ESR2: variants seen among roughly 807,000 people sequenced by gnomAD.
ESR2 encodes the protein estrogen receptor beta.
In ESR2, 36 loss-of-function variants were observed where a neutral mutation model predicts 49.6. That is an observed-to-expected ratio of 0.73 (90% CI 0.56 to 0.96). The LOEUF (loss-of-function observed/expected upper bound fraction) is 0.96, where lower values mean the gene tolerates loss of function less well. Among genes scored for constraint, ESR2 ranks in the 40% least tolerant of loss-of-function variants. The probability of loss-of-function intolerance (pLI) is 0.00; values close to 1 mark genes in which losing one functional copy is unlikely to be tolerated. For missense variants in ESR2, 714 were observed against 693.0 expected (o/e 1.03, Z -0.34); for synonymous variants, 320 against 266.1 (o/e 1.20, Z -1.97).
chr14:64,252,392 T>TA (rs2140689065), intron 6 of ESR2, among the ~76,000 whole-genome samples: 1 of 152,168 alleles, frequency 6.6e-6, no homozygotes, highest in South Asian at 2.1e-4. Context: ...CAAACTGACC[T>TA]ACTCAGGAAA....
In ESR2 at chr14:64,260,594, C is replaced by G. The variant is rs762636828; in HGVS notation, c.807G>C (p.Val269=). 6.2e-7 allele frequency: 1 copy of G among 1,610,498 alleles called. No individual in the cohort carries two copies. Among genetic ancestry groups the G allele is most frequent in the Non-Finnish European group, 8.5e-7 (1 of 1,178,060 alleles). Residue 269 remains valine (V), a synonymous_variant, in exon 5 of 9, where the codon GTG becomes GTC. Transcript: ENST00000341099. The part of the protein sequence containing the change: ...LLDALSPEQL[V]LTLLEAEPPH... ...GCGGCTCAGCCTCCAGGAGGGTGAG[C>G]ACTAGCTGCTCGGGGCTCAGGGCGT...
At chr14:64,272,780 A>G (rs1567765315) in intron 3 of ESR2, among the ~76,000 whole-genome samples, 1 of 152,128 alleles carries the variant, frequency 6.6e-6, no homozygotes, top group Non-Finnish European at 1.5e-5. Context: ...TCTATGGTAT[A>G]ATTTATAGTC....
At chr14:64,301,952 G>A (rs2077025672) in intron 1 of ESR2, among the ~76,000 whole-genome samples, 2 of 152,078 alleles carry the variant, frequency 1.3e-5, no homozygotes, top group Middle Eastern at 3.4e-3. Context: ...GGAAGTTTGG[G>A]CTCTGAGGGT....
At chr14:64,335,908 G>T (rs2077524526) in intron 1 of ESR2, 1 of 148,318 alleles carries the variant, frequency 6.7e-6, no homozygotes, top group Admixed American at 6.9e-5. Flanking sequence ...GGGTTCAAGT[G>T]ATTCTCCTGC....
At chr14:64,271,107 C>G (rs1200808681) in intron 3 of ESR2, among the ~76,000 whole-genome samples, 1 of 151,704 alleles carries the variant, frequency 6.6e-6, no homozygotes, top group Non-Finnish European at 1.5e-5. Flanking sequence ...TTTGATTTAT[C>G]ATCTTTTTTT....
chr14:64,227,730 A>G, downstream of ESR2: 3 of 1,568,280 alleles, frequency 1.9e-6, no homozygotes, highest in Non-Finnish European at 8.6e-7. Flanking sequence ...AAGGGCCTTT[A>G]AGCTGGTTTG....
upstream of ESR2, chr14:64,338,269 C>G (rs2077556585): frequency 6.4e-6 from 1 of 155,608 alleles, no homozygotes; most frequent in Admixed American, 6.5e-5. Flanking sequence ...CTCTGACACT[C>G]CTTCCAGCTC....
At chr14:64,261,285 T>G (rs1184811602) in intron 4 of ESR2, among the ~76,000 whole-genome samples, 1 of 135,060 alleles carries the variant, frequency 7.4e-6, no homozygotes, top group African/African-American at 2.9e-5. Flanking sequence ...TGGCCTAGAC[T>G]GGAGTGCAGT....
At chr14:64,311,983 A>C (rs751305333) in intron 1 of ESR2, among the ~76,000 whole-genome samples, 4 of 152,210 alleles carry the variant, frequency 2.6e-5, no homozygotes, top group African/African-American at 4.8e-5. Flanking sequence ...GTTTTCTAAA[A>C]TATGTTTGAT....
chr14:64,229,750 G>A lies in ESR2; in HGVS notation c.*3387C>T, dbSNP rs181193623. Among the ~76,000 whole-genome samples, 1 of 152,290 alleles carries A rather than the reference G, an allele frequency of 6.6e-6. No individual in the cohort carries two copies. Among genetic ancestry groups the A allele is most frequent in the Admixed American group, 6.5e-5 (1 of 15,294 alleles). ...GTCTAGTTCCACAACCAGAAAATAA[G>A]GAAATAGCAGTTATTATAATAAGGA... On this transcript the variant is annotated 3_prime_UTR_variant, in exon 9 of 9. Coordinates refer to ENST00000341099, the MANE Select transcript of ESR2 (RefSeq NM_001437.3).
At chr14:64,325,520 A>G (rs2077378013) in intron 1 of ESR2, among the ~76,000 whole-genome samples, 1 of 152,192 alleles carries the variant, frequency 6.6e-6, no homozygotes, top group Non-Finnish European at 1.5e-5. Flanking sequence ...AGTTAAGAAA[A>G]TGAAGGTGTT....
chr14:64,325,396 G>A (rs191186057), intron 1 of ESR2, among the ~76,000 whole-genome samples: 103 of 152,248 alleles, frequency 6.8e-4, no homozygotes, highest in Middle Eastern at 3.4e-3. Flanking sequence ...AAAGAGGAAG[G>A]GAAGAGAAAT....
At chr14:64,301,322 T>G (rs1244970794) in intron 1 of ESR2, 2 of 152,194 alleles carry the variant, frequency 1.3e-5, no homozygotes, top group Non-Finnish European at 2.9e-5. Context: ...TTCCCGCATG[T>G]TTGGGTTCTT....
chr14:64,248,506 AAAAAAAAAAAAAAAAAG>A (rs1451482375), intron 7 of ESR2, among the ~76,000 whole-genome samples: 3 of 30,460 alleles, frequency 9.8e-5, no homozygotes, highest in Admixed American at 2.4e-4. Context: ...ATCCTGTCTC[AAAAAAAAAAAAAAAAAG>A]AAAAAAAAAA....
intron 1 of ESR2, among the ~76,000 whole-genome samples, chr14:64,291,709 A>T (rs1273984294): frequency 6.6e-6 from 1 of 152,154 alleles, no homozygotes; most frequent in Non-Finnish European, 1.5e-5. Flanking sequence ...AAAAATCCTG[A>T]CATCTACAAA....
intron 5 of ESR2, among the ~76,000 whole-genome samples, chr14:64,258,427 G>A (rs1034615861): frequency 6.6e-6 from 1 of 152,020 alleles, no homozygotes; most frequent in Non-Finnish European, 1.5e-5. Flanking sequence ...AAAAGACACC[G>A]CCTTGGAGTG....
In ESR2 at chr14:64,260,625, A is replaced by G. The variant is rs940580455; in HGVS notation, c.776T>C (p.Leu259Pro). 47 of 1,610,696 alleles carry G rather than the reference A, an allele frequency of 2.9e-5. No homozygotes were observed. Among genetic ancestry groups the G allele is most frequent in the Non-Finnish European group, 3.6e-5 (43 of 1,178,358 alleles). Residue 259 changes from leucine to proline, a missense_variant, in exon 5 of 9, where the codon CTG becomes CCG. Transcript: ENST00000341099. ...GGHAPRVREL[L>P]LDALSPEQLV... ...CTGCTCGGGGCTCAGGGCGTCCAGC[A>G]GCAGCTCCCGCACTCGGGGCGCGTG...
chr14:64,227,903 AAATG>A (rs1194862644), downstream of ESR2: 5 of 1,597,816 alleles, frequency 3.1e-6, no homozygotes, highest in Middle Eastern at 8.3e-4. Context: ...AGATAACTTC[AAATG>A]AATGAATTGC....
chr14:64,298,313 T>C (rs1176453815), upstream of ESR2: 2 of 152,236 alleles, frequency 1.3e-5, no homozygotes, highest in Non-Finnish European at 2.9e-5. Flanking sequence ...AAACTGAGGC[T>C]CAGAGAGCTA....
Sources: allele counts gnomAD v4.1 joint callset (sites outside exome capture counted in the v4.1 genomes callset), GRCh38; gene constraint gnomAD v4.1.1; transcripts MANE v1.5; gene names NCBI Gene and HGNC (gene_info 2026-07-23, HGNC 2026-07-21).